Variants in FMO4 observed in about 807,000 individuals in gnomAD.
The protein encoded by FMO4 is dimethylaniline monooxygenase [N-oxide-forming] 4.
A neutral mutation model predicts 43.3 loss-of-function variants in FMO4; 38 were observed. The ratio of observed to expected loss-of-function variants is 0.88; its 90% CI spans 0.68 to 1.15. FMO4 has a LOEUF of 1.15. FMO4 is among the 50% of genes most tolerant of loss of function. FMO4 has a pLI of 0.00. For missense variants in FMO4, 631 were observed against 663.3 expected (o/e 0.95, Z 0.54); for synonymous variants, 224 against 232.2 (o/e 0.96, Z 0.32).
chr1:171,332,648 T>C (rs1390093256), intron 6 of FMO4, 61 bp from the exon 7 acceptor site: 6 of 1,411,594 alleles, frequency 4.3e-6, no homozygotes, highest in Non-Finnish European at 6.0e-6. Flanking sequence ...AACACACTGA[T>C]GAAAAATACT....
chr1:171,329,512 T>C (rs781188214), intron 5 of FMO4, among the ~76,000 whole-genome samples: 11 of 152,328 alleles, frequency 7.2e-5, no homozygotes, highest in East Asian at 1.9e-4. Flanking sequence ...ACATGAAATA[T>C]AGATCTTGTA....
intron 8 of FMO4, among the ~76,000 whole-genome samples, chr1:171,336,961 G>GCACACA (rs35512975): frequency 0.028 from 4,124 of 147,084 alleles, 170 homozygotes; most frequent in African/African-American, 0.097. Flanking sequence ...ACACAAACAT[G>GCACACA]CACACACACA....
At chr1:171,317,315 CA>C (rs1163151832) in intron 2 of FMO4, among the ~76,000 whole-genome samples, 1 of 152,124 alleles carries the variant, frequency 6.6e-6, no homozygotes, top group African/African-American at 2.4e-5. Context: ...GATCTTTCCT[CA>C]AAAAATGCTG....
At position 171,324,153 on chromosome 1, in the gene FMO4, A is replaced by C; in HGVS notation, c.337A>C (p.Ile113Leu). 1 of 1,612,546 alleles carries C rather than the reference A, an allele frequency of 6.2e-7. No individual in the cohort carries two copies. Among genetic ancestry groups the C allele is most frequent in the Non-Finnish European group, 8.5e-7 (1 of 1,179,302 alleles). ...TCACTTTTAGACCACTGTGTGCAGCATAACGAAGCGTCCAGACTTCTCCGA... is the reference window on the plus strand; with the variant it reads ...TCACTTTTAGACCACTGTGTGCAGCCTAACGAAGCGTCCAGACTTCTCCGA... ...YIQFKTTVCS[I>L]TKRPDFSETG... The change falls in exon 5 of 10, where the codon ATA (isoleucine) becomes CTA (leucine). Residue 113 changes from isoleucine to leucine, a missense_variant. Coordinates refer to ENST00000367749, the MANE Select transcript of FMO4 (RefSeq NM_002022.3).
intron 3 of FMO4, among the ~76,000 whole-genome samples, chr1:171,320,805 AT>A (rs1364305088): frequency 4.6e-5 from 7 of 151,954 alleles, no homozygotes; most frequent in African/African-American, 1.7e-4. Flanking sequence ...GTGAGACCCT[AT>A]CTCTACAAAA....
intron 3 of FMO4, among the ~76,000 whole-genome samples, chr1:171,321,796 T>C (rs1257518592): frequency 6.6e-6 from 1 of 152,198 alleles, no homozygotes; most frequent in Non-Finnish European, 1.5e-5. Flanking sequence ...GCCCTCCTTG[T>C]AGTCCGGTGG....
In FMO4 at chr1:171,323,013, A is replaced by G. The variant is rs1662498857; in HGVS notation, c.142A>G (p.Lys48Glu). 2 of 1,612,726 alleles carry G rather than the reference A, an allele frequency of 1.2e-6. No individual in the cohort carries two copies. The highest frequency in any genetic ancestry group is 1.7e-6 in the Non-Finnish European group (2 of 1,179,102). Residue 48 changes from lysine to glutamate, a missense_variant, in exon 4 of 10, where the codon AAA becomes GAA. Transcript: ENST00000367749. ...GGLWKFTESS[K>E]DGMTRVYKSL... ...TATGCCTTCACCACAGGAATCTTCC[A>G]AAGATGGGATGACCAGGGTCTATAA...
intron 7 of FMO4, chr1:171,333,180 G>C (rs1044579149): frequency 2.7e-5 from 7 of 262,256 alleles, no homozygotes; most frequent in Admixed American, 5.3e-5. Flanking sequence ...ACATATTTTT[G>C]TTGTTGTTGT....
chr1:171,322,983 C>T lies in FMO4; in HGVS notation c.133-21C>T, dbSNP rs756784084. On this transcript the variant is annotated intron_variant, in intron 3 of 9. Transcript: ENST00000367749. The stretch of plus-strand genomic sequence containing the variant: ...CTCCTATCTCCATTATCCCAACAAG[C>T]TAACTATGCCTTCACCACAGGAATC... 2.5e-6 allele frequency: 4 copies of T among 1,596,116 alleles called. 1 individual carries two copies. The highest frequency in any genetic ancestry group is 1.3e-5 in the African/African-American group (1 of 74,344).
chr1:171,315,914 T>C (rs1419227835), intron 1 of FMO4, among the ~76,000 whole-genome samples: 1 of 152,142 alleles, frequency 6.6e-6, no homozygotes. Context: ...GCTGCTACCA[T>C]AGGACTTAGC....
At chr1:171,321,564 T>G (rs191563846) in intron 3 of FMO4, among the ~76,000 whole-genome samples, 1 of 152,336 alleles carries the variant, frequency 6.6e-6, no homozygotes, top group East Asian at 1.9e-4. Context: ...GAAAGAAATA[T>G]GTACACGTTC....
At position 171,342,016 on chromosome 1, in the gene FMO4, C is replaced by T; in HGVS notation, c.*177C>T. The T allele has an allele frequency of 1.7e-6, 1 of 581,224 alleles. No homozygotes were observed. Among genetic ancestry groups the T allele is most frequent in the Non-Finnish European group, 3.0e-6 (1 of 330,042 alleles). 36.0% of individuals were successfully genotyped at this position (581,224 alleles called of 1,614,324 possible). On this transcript the variant is annotated 3_prime_UTR_variant, in exon 10 of 10. Transcript: ENST00000367749. ...TTTCAGTACCCTCTTTCTTGCCACC[C>T]TTTCCAATGCATCTTCTACCCTGCT...
chr1:171,341,760 C>G lies in FMO4; in HGVS notation c.1598C>G (p.Ser533Cys). The G allele has an allele frequency of 6.2e-7, 1 of 1,613,830 alleles. No homozygotes were observed. The highest frequency in any genetic ancestry group is 8.5e-7 in the Non-Finnish European group (1 of 1,179,880). The part of the protein sequence containing the change: ...LLASLLLICK[S>C]SLFLKLVRDK... ...GCCTCTCTTCTACTTATCTGTAAAT[C>G]TTCACTTTTCTTGAAATTGGTGAGA... The change falls in exon 10 of 10, where the codon TCT becomes TGT. Residue 533 changes from serine (S) to cysteine (C), a missense_variant. Transcript: ENST00000367749.
intron 6 of FMO4, among the ~76,000 whole-genome samples, chr1:171,332,498 ATATT>A (rs1402485868): frequency 6.6e-6 from 1 of 152,198 alleles, no homozygotes; most frequent in African/African-American, 2.4e-5. Context: ...ACATAGTAAA[ATATT>A]TAAGAGACAT....
At chr1:171,328,150 C>G (rs1328007860) in intron 5 of FMO4, among the ~76,000 whole-genome samples, 1 of 152,092 alleles carries the variant, frequency 6.6e-6, no homozygotes, top group Non-Finnish European at 1.5e-5. Flanking sequence ...AAGCAATTCT[C>G]CTGTCTCAGC....
In FMO4 at chr1:171,329,088, C is replaced by T. The variant is rs147305384; in HGVS notation, c.485-2552C>T. On this transcript the variant is annotated intron_variant, in intron 5 of 9. Transcript: ENST00000367749. ...TGTGCTTGACTTCCTTCTTCCTCTG[C>T]CATCCTCTCCCTCCGAACCCTAAAC... is the stretch of plus-strand genomic sequence containing the variant. Among the ~76,000 whole-genome samples the T allele has an allele frequency of 2.2e-4, 34 of 152,288 alleles. No homozygotes were observed. The East Asian group carries it at 6.4e-3, about 29-fold the overall frequency.
At chr1:171,318,494 A>G (rs888230804) in intron 2 of FMO4, among the ~76,000 whole-genome samples, 6 of 152,092 alleles carry the variant, frequency 3.9e-5, no homozygotes, top group Non-Finnish European at 8.8e-5. Flanking sequence ...CTATTTAAAA[A>G]AATTAAAATA....
At chr1:171,340,962 A>T (rs894596178) in intron 9 of FMO4, among the ~76,000 whole-genome samples, 2 of 152,152 alleles carry the variant, frequency 1.3e-5, no homozygotes, top group African/African-American at 4.8e-5. Context: ...AATGGAAAAA[A>T]ACATAAAAAG....
At chr1:171,329,832 T>C (rs960156508) in intron 5 of FMO4, among the ~76,000 whole-genome samples, 14 of 152,214 alleles carry the variant, frequency 9.2e-5, no homozygotes, top group African/African-American at 3.1e-4. Context: ...AAATTCAGCA[T>C]AGTTGGTTTA....
Sources: gnomAD v4.1 joint callset for allele counts (sites outside exome capture counted in the v4.1 genomes callset) on GRCh38, gnomAD v4.1.1 for gene constraint, MANE v1.5 for transcripts, NCBI Gene and HGNC (gene_info 2026-07-23, HGNC 2026-07-21) for gene names.